The following TUBGCP2 variants were observed in gnomAD, a reference collection of about 807,000 sequenced individuals.
TUBGCP2 encodes the protein gamma-tubulin complex component 2.
Under a neutral mutation model 92.2 loss-of-function variants are expected in TUBGCP2, and 55 were observed. That is an observed-to-expected ratio of 0.60 (90% CI 0.48 to 0.75). The LOEUF (loss-of-function observed/expected upper bound fraction) is 0.75. Ranked by LOEUF, TUBGCP2 falls within the 30% of genes least tolerant of loss-of-function variation. TUBGCP2 has a pLI of 0.00. For missense variants in TUBGCP2, 1,093 were observed against 1,188.9 expected (o/e 0.92, Z 1.19); for synonymous variants, 533 against 505.2 (o/e 1.06, Z -0.74).
chr10:133,292,925 G>A (rs142190331), intron 7 of TUBGCP2, 114 bp downstream of exon 7: 557 of 1,265,026 alleles, frequency 4.4e-4, no homozygotes, highest in African/African-American at 4.1e-3. Context: ...TTGGCCACAC[G>A]CCCCTGCCCT....
rs1176109907 is a variant in TUBGCP2, at chr10:133,299,414, A to G, written c.456+13T>C. On this transcript the variant is annotated intron_variant, in intron 4 of 17. Coordinates refer to ENST00000252936, the MANE Select transcript of TUBGCP2 (RefSeq NM_006659.4). ...TGCAGCATGGAGCCTGTGGACAGCCATGGACGCAGTACCTGCTGCAGCGTG... is the reference window on the plus strand; with the variant it reads ...TGCAGCATGGAGCCTGTGGACAGCCGTGGACGCAGTACCTGCTGCAGCGTG... 1.9e-6 allele frequency: 3 copies of G among 1,581,364 alleles called. No homozygotes were observed. The highest frequency in any genetic ancestry group is 1.3e-5 in the African/African-American group (1 of 74,112).
At chr10:133,296,823 C>T (rs1305494690) in intron 5 of TUBGCP2, among the ~76,000 whole-genome samples, 1 of 152,188 alleles carries the variant, frequency 6.6e-6, no homozygotes, top group African/African-American at 2.4e-5. Context: ...GCATGGTTTT[C>T]TATACTTCTC....
chr10:133,286,829 G>A (rs1847145105), intron 11 of TUBGCP2, among the ~76,000 whole-genome samples: 1 of 152,176 alleles, frequency 6.6e-6, no homozygotes, highest in Admixed American at 6.5e-5. Flanking sequence ...AACACCTCCA[G>A]ACAAACAGAA....
At chr10:133,304,151 T>C (rs1156649848) in intron 1 of TUBGCP2, among the ~76,000 whole-genome samples, 1 of 152,142 alleles carries the variant, frequency 6.6e-6, no homozygotes, top group Non-Finnish European at 1.5e-5. Context: ...GGCAACACAG[T>C]GAGACTCTGT....
chr10:133,305,351 A>G (rs2995333), intron 1 of TUBGCP2, among the ~76,000 whole-genome samples: 151,910 of 152,332 alleles, frequency 1, 75,746 homozygotes, highest in East Asian at 1. Flanking sequence ...GACACATGAC[A>G]CACATGACCT....
intron 5 of TUBGCP2, among the ~76,000 whole-genome samples, chr10:133,294,268 C>T (rs1375177225): frequency 6.6e-6 from 1 of 152,254 alleles, no homozygotes; most frequent in Non-Finnish European, 1.5e-5. Context: ...CGGGCCGCCA[C>T]CCACCAAACC....
At chr10:133,310,311 A>G (rs1367969058), upstream of TUBGCP2, 1 of 1,612,876 alleles carries the variant, frequency 6.2e-7, no homozygotes, top group South Asian at 1.1e-5. Flanking sequence ...CAGGCTCAGC[A>G]CGTGTCTGCT....
At chr10:133,301,791 T>C (rs1422216395) in intron 2 of TUBGCP2, 1 of 133,112 alleles carries the variant, frequency 7.5e-6, no homozygotes, top group Non-Finnish European at 1.6e-5. Context: ...CTCGGCTCAC[T>C]GCAAGCTCCA....
At chr10:133,283,709 C>T (rs546552799) in intron 14 of TUBGCP2, among the ~76,000 whole-genome samples, 173 bp downstream of exon 14, 1 of 85,828 alleles carries the variant, frequency 1.2e-5, no homozygotes, top group Non-Finnish European at 2.8e-5. Flanking sequence ...CTCTCCCGCA[C>T]GCCCTGCCTC....
chr10:133,311,869 C>T (rs41317290), upstream of TUBGCP2: 5,967 of 1,613,314 alleles, frequency 3.7e-3, 13 homozygotes, highest in Non-Finnish European at 4.4e-3. Flanking sequence ...TTCTGAAACC[C>T]GTTCTCAACA....
rs1564932134 is a variant in TUBGCP2 at position 133,279,015 on chromosome 10, T to G, written c.*751A>C. The stretch of plus-strand genomic sequence containing the variant: ...CACTGGGGATGGCGGTGCTGCCCAC[T>G]GTAGCCCTGGAGGTGGGAAGACAGG... On this transcript the variant is annotated 3_prime_UTR_variant, in exon 18 of 18. Coordinates refer to ENST00000252936, the MANE Select transcript of TUBGCP2 (RefSeq NM_006659.4). The G allele has an allele frequency of 6.6e-6, 1 of 152,252 alleles. No individual in the cohort carries two copies. Among genetic ancestry groups the G allele is most frequent in the Non-Finnish European group, 1.5e-5 (1 of 68,104 alleles). The allele number at this position is 152,252 out of a possible 1,614,324, so 9.4% of individuals were successfully genotyped here.
intron 17 of TUBGCP2, among the ~76,000 whole-genome samples, chr10:133,280,906 G>A (rs1846953498): frequency 6.6e-6 from 1 of 151,688 alleles, no homozygotes; most frequent in Non-Finnish European, 1.5e-5. Flanking sequence ...GCAGGGGCAG[G>A]CGCTGGGCTG....
rs747447083 is a variant in TUBGCP2, at chr10:133,285,548, C to T, written c.1803G>A (p.Ala601=). 34 of 1,585,160 alleles carry T rather than the reference C, an allele frequency of 2.1e-5. No homozygotes were observed. The highest frequency in any genetic ancestry group is 1.8e-4 in the East Asian group (8 of 44,380). Residue 601 remains alanine (A), a synonymous_variant, in exon 12 of 18, where the codon GCG becomes GCA. Coordinates refer to ENST00000252936, the MANE Select transcript of TUBGCP2 (RefSeq NM_006659.4). The surrounding 1 kb of genome is among the most constrained non-coding windows in gnomAD (Gnocchi z 6.8). ...AIETKQEKAM[A]HADPTELALS... is the part of the protein sequence containing the mutation. The stretch of plus-strand genomic sequence containing the variant: ...GCGCCAGCTCCGTGGGGTCGGCGTG[C>T]GCCATCGCCTTCTCCTGCTTGGTCT...
intron 1 of TUBGCP2, among the ~76,000 whole-genome samples, chr10:133,303,434 T>C (rs1474887160): frequency 6.6e-6 from 1 of 152,218 alleles, no homozygotes; most frequent in Non-Finnish European, 1.5e-5. Context: ...CCAGGTTCCC[T>C]TTCCCCTGCA....
At chr10:133,283,319 T>C (rs750380433) in intron 14 of TUBGCP2, 98 bp from the exon 15 acceptor site, 22 of 1,531,534 alleles carry the variant, frequency 1.4e-5, no homozygotes, top group Non-Finnish European at 1.9e-5. Context: ...CATTCCTGTT[T>C]ACGCACTTCT....
intron 5 of TUBGCP2, chr10:133,295,812 G>C (rs1050894119): frequency 1.3e-5 from 2 of 152,546 alleles, no homozygotes; most frequent in East Asian, 3.9e-4. Context: ...ACGCAGGCCC[G>C]AGGTCACACA....
At chr10:133,281,546 T>C (rs983249309) in intron 16 of TUBGCP2, 110 bp from the exon 17 acceptor site, 21 of 1,331,362 alleles carry the variant, frequency 1.6e-5, no homozygotes, top group Non-Finnish European at 2.1e-5. Context: ...TTTTCTTAAA[T>C]AGAAAACATG....
intron 5 of TUBGCP2, 32 bp from the exon 6 acceptor site, chr10:133,293,801 G>A (rs752568673): frequency 1.3e-6 from 2 of 1,552,382 alleles, no homozygotes; most frequent in African/African-American, 1.4e-5. Context: ...TGGCTCTGCA[G>A]CCCCCACTCC....
chr10:133,293,521 C>T (rs908970000), intron 6 of TUBGCP2, 41 bp downstream of exon 6: 1 of 1,542,876 alleles, frequency 6.5e-7, no homozygotes, highest in Admixed American at 2.0e-5. Context: ...ACCCCTCCCC[C>T]ACAACAGCGC....
Sources: gnomAD v4.1 joint callset for allele counts (sites outside exome capture counted in the v4.1 genomes callset) on GRCh38, gnomAD v4.1.1 for gene constraint, Gnocchi (gnomAD v3.1) non-coding constraint, MANE v1.5 for transcripts, NCBI Gene and HGNC (gene_info 2026-07-23, HGNC 2026-07-21) for gene names.